CDC14A: variants seen among roughly 807,000 people sequenced by gnomAD.
The protein encoded by CDC14A is dual specificity protein phosphatase CDC14A.
A neutral mutation model predicts 74.4 loss-of-function variants in CDC14A; 53 were observed. The observed-to-expected ratio is 0.71, with a 90% CI of 0.57 to 0.89. The LOEUF (loss-of-function observed/expected upper bound fraction) is 0.89, where lower values mean the gene tolerates loss of function less well. Among genes scored for constraint, CDC14A ranks in the 40% least tolerant of loss-of-function variants. The probability of loss-of-function intolerance (pLI) is 0.00; values close to 1 mark genes in which losing one functional copy is unlikely to be tolerated. For synonymous variants in CDC14A, 247 were observed against 258.4 expected, an observed-to-expected ratio of 0.96 and a Z score of 0.43; for missense variants, 646 against 713.7, an observed-to-expected ratio of 0.91 and a Z score of 1.08.
rs1487784867 is a variant in CDC14A, at chr1:100,519,943, C to G, written c.*1663C>G. ...AGTAGGGGAAAGGGAATCATGTTGA[C>G]AGTTTTAGTTCTGTGAACACTAATT... On this transcript the variant is annotated 3_prime_UTR_variant, in exon 16 of 16. Coordinates refer to ENST00000336454, the MANE Select transcript of CDC14A (RefSeq NM_003672.4). The G allele has an allele frequency of 1.3e-5, 2 of 152,026 alleles. No individual in the cohort carries two copies. The highest frequency in any genetic ancestry group is 3.9e-4 in the East Asian group (2 of 5,172). 9.4% of individuals were successfully genotyped at this position (152,026 alleles called of 1,614,324 possible). A position where few individuals can be genotyped will look rare whatever the true frequency, so the allele number is the denominator to read the frequency against.
chr1:100,374,343 A>G (rs540477666), intron 2 of CDC14A, among the ~76,000 whole-genome samples: 1 of 152,272 alleles, frequency 6.6e-6, no homozygotes, highest in African/African-American at 2.4e-5. Flanking sequence ...GCTGGGTCAA[A>G]TGGTATTTCT....
chr1:100,439,341 G>A (rs1322184428), intron 5 of CDC14A, among the ~76,000 whole-genome samples: 1 of 152,048 alleles, frequency 6.6e-6, no homozygotes, highest in African/African-American at 2.4e-5. Context: ...GGTTCTGTTG[G>A]CCTACATACA....
chr1:100,403,233 A>G (rs1368657404), intron 4 of CDC14A, among the ~76,000 whole-genome samples: 2 of 152,246 alleles, frequency 1.3e-5, no homozygotes, highest in Non-Finnish European at 2.9e-5. Context: ...GTATAATTGA[A>G]ACAAGAGGTT....
chr1:100,374,835 G>T (rs1402973577), intron 2 of CDC14A, among the ~76,000 whole-genome samples: 1 of 152,116 alleles, frequency 6.6e-6, no homozygotes, highest in Non-Finnish European at 1.5e-5. Flanking sequence ...TAAATTTGTG[G>T]TCTAGACTAA....
At chr1:100,398,603 A>G (rs1191791395) in intron 4 of CDC14A, among the ~76,000 whole-genome samples, 1 of 152,202 alleles carries the variant, frequency 6.6e-6, no homozygotes, top group Non-Finnish European at 1.5e-5. Flanking sequence ...TCCTAGCACT[A>G]TGGTAGGTTC....
intron 15 of CDC14A, among the ~76,000 whole-genome samples, chr1:100,505,613 T>G (rs191475724): frequency 6.6e-6 from 1 of 152,356 alleles, no homozygotes; most frequent in East Asian, 1.9e-4. Flanking sequence ...TGAATATCCA[T>G]TCCCAGTAAA....
chr1:100,491,942 T>C (rs1670747921), intron 11 of CDC14A, among the ~76,000 whole-genome samples: 1 of 149,666 alleles, frequency 6.7e-6, no homozygotes, highest in South Asian at 2.1e-4. Flanking sequence ...CGAGAGGAGC[T>C]GGGGAAGAAC....
intron 7 of CDC14A, among the ~76,000 whole-genome samples, chr1:100,453,640 A>AT (rs976450653): frequency 2.0e-5 from 3 of 151,860 alleles, no homozygotes; most frequent in South Asian, 2.1e-4. Flanking sequence ...CATTTTGGAT[A>AT]TTTTTTTTAT....
chr1:100,351,599 A>T (rs915134386), upstream of CDC14A: 2 of 645,512 alleles, frequency 3.1e-6, no homozygotes, highest in East Asian at 2.7e-5. Context: ...TCCTTGGACC[A>T]GTGGACTCTC....
chr1:100,492,587 G>C (rs1184360922), intron 11 of CDC14A, among the ~76,000 whole-genome samples: 2 of 152,074 alleles, frequency 1.3e-5, no homozygotes, highest in African/African-American at 4.8e-5. Context: ...TGTAAACATT[G>C]TTCACGGTTG....
intron 7 of CDC14A, among the ~76,000 whole-genome samples, chr1:100,454,814 T>G (rs561097625): frequency 9.2e-5 from 14 of 152,282 alleles, no homozygotes; most frequent in Non-Finnish European, 1.5e-4. Context: ...TGACTCTATG[T>G]ATGTCCCTTG....
chr1:100,380,141 T>C (rs1655892469), intron 3 of CDC14A, among the ~76,000 whole-genome samples: 1 of 152,238 alleles, frequency 6.6e-6, no homozygotes, highest in African/African-American at 2.4e-5. Context: ...AGACAGTTCT[T>C]CTACAAAATC....
At chr1:100,462,576 G>A in intron 8 of CDC14A, 75 bp from the exon 9 acceptor site, 1 of 1,149,110 alleles carries the variant, frequency 8.7e-7, no homozygotes, top group East Asian at 2.4e-5. Context: ...ACACTTCATT[G>A]TTGAGAGTTT....
chr1:100,399,696 A>G (rs561130197), intron 4 of CDC14A, among the ~76,000 whole-genome samples: 1 of 152,186 alleles, frequency 6.6e-6, no homozygotes, highest in African/African-American at 2.4e-5. Flanking sequence ...GATAAGTGCT[A>G]TTAGCCTCCA....
intron 6 of CDC14A, among the ~76,000 whole-genome samples, chr1:100,440,862 A>G (rs1664849606): frequency 6.6e-6 from 1 of 152,182 alleles, no homozygotes; most frequent in Non-Finnish European, 1.5e-5. Context: ...TTTAAAATGA[A>G]TTTAAACCCT....
At chr1:100,369,781 T>A (rs1382032283) in intron 2 of CDC14A, among the ~76,000 whole-genome samples, 1 of 152,052 alleles carries the variant, frequency 6.6e-6, no homozygotes, top group Non-Finnish European at 1.5e-5. Context: ...ATAAATTCTT[T>A]CCTGAGGCCG....
intron 8 of CDC14A, among the ~76,000 whole-genome samples, chr1:100,456,386 A>T (rs1666687653): frequency 6.6e-6 from 1 of 152,230 alleles, no homozygotes; most frequent in Non-Finnish European, 1.5e-5. Context: ...ATAATTTACA[A>T]GAGAAGTACA....
At chr1:100,364,336 T>A (rs1653259018) in intron 2 of CDC14A, among the ~76,000 whole-genome samples, 1 of 151,970 alleles carries the variant, frequency 6.6e-6, no homozygotes, top group South Asian at 2.1e-4. Flanking sequence ...GACTCCCAAG[T>A]AGCTGGGACT....
intron 15 of CDC14A, 97 bp downstream of exon 15, chr1:100,499,359 AG>A (rs1648427506): frequency 6.2e-7 from 1 of 1,612,926 alleles, no homozygotes; most frequent in Non-Finnish European, 8.5e-7. Flanking sequence ...GAAATTTAAT[AG>A]TGCCAAGGAA....
Sources: allele counts gnomAD v4.1 joint callset (sites outside exome capture counted in the v4.1 genomes callset), GRCh38; gene constraint gnomAD v4.1.1; transcripts MANE v1.5; gene names NCBI Gene and HGNC (gene_info 2026-07-23, HGNC 2026-07-21).